The following CSMD1 variants were observed in gnomAD, a reference collection of about 807,000 sequenced individuals.
CSMD1 encodes the protein CUB and Sushi multiple domains 1.
A neutral mutation model predicts 417.5 loss-of-function variants in CSMD1; 213 were observed. The ratio of observed to expected loss-of-function variants is 0.51; its 90% CI spans 0.46 to 0.57. The LOEUF is 0.57. Ranked by LOEUF, CSMD1 falls within the 20% of genes least tolerant of loss-of-function variation. CSMD1 has a pLI of 0.00. For synonymous variants in CSMD1, 2,862 were observed against 1,736.8 expected, an observed-to-expected ratio of 1.65 and a Z score of -16.11; for missense variants, 6,923 against 4,529.7, an observed-to-expected ratio of 1.53 and a Z score of -15.17.
At chr8:3,453,815 A>T (rs566835827) in intron 12 of CSMD1, among the ~76,000 whole-genome samples, 1 of 152,324 alleles carries the variant, frequency 6.6e-6, no homozygotes, top group South Asian at 2.1e-4. Flanking sequence ...AGTTCTGTAG[A>T]TGTCTATTAG....
intron 12 of CSMD1, among the ~76,000 whole-genome samples, chr8:3,412,271 G>C (rs1812859853): frequency 1.3e-5 from 2 of 151,150 alleles, no homozygotes; most frequent in Admixed American, 1.3e-4. Flanking sequence ...CCACATTTTT[G>C]CAATTGCAAA....
chr8:4,779,750 T>A (rs930862932), intron 1 of CSMD1, among the ~76,000 whole-genome samples: 15 of 152,138 alleles, frequency 9.9e-5, no homozygotes, highest in Admixed American at 7.9e-4. Flanking sequence ...AAATAAATCC[T>A]GCTAATTGCG....
intron 5 of CSMD1, among the ~76,000 whole-genome samples, chr8:3,833,330 C>T (rs1001123519): frequency 6.6e-6 from 1 of 152,060 alleles, no homozygotes; most frequent in Non-Finnish European, 1.5e-5. Flanking sequence ...AAACATTATT[C>T]TAAGCCTCTG....
At position 3,546,568 on chromosome 8, in the gene CSMD1, T is replaced by C. The variant is rs912004644; in HGVS notation, c.1344+28377A>G. Among the ~76,000 whole-genome samples the C allele has an allele frequency of 1.8e-4, 27 of 152,070 alleles. 1 individual carries two copies. Among genetic ancestry groups the C allele is most frequent in the Admixed American group, 1.2e-3 (19 of 15,274 alleles). ...AAAAAAAATCCTGATACTGTCACCA[T>C]ACATTGTTCTCCTCACAGTACTGAG... On this transcript the variant is annotated intron_variant, in intron 10 of 69. Transcript: ENST00000635120.
chr8:3,360,811 C>T (rs1454021942), intron 20 of CSMD1, among the ~76,000 whole-genome samples: 1 of 151,944 alleles, frequency 6.6e-6, no homozygotes, highest in East Asian at 1.9e-4. Context: ...ATATAAAATC[C>T]AACTGATCCT....
In CSMD1 at chr8:4,620,163, G is replaced by A. The variant is rs202059232; in HGVS notation, c.302+17179C>T. Among the ~76,000 whole-genome samples, 3 of 151,834 alleles carry A rather than the reference G, an allele frequency of 2.0e-5. 1 individual carries two copies. The highest frequency in any genetic ancestry group is 1.3e-4 in the Admixed American group (2 of 15,230). On this transcript the variant is annotated intron_variant, in intron 2 of 69. Transcript: ENST00000635120. ...TTTAAGAGTAGGACTATAAAGATAT[G>A]TCTCCATTGTGTTTGGTGTTCAGAA...
intron 4 of CSMD1, among the ~76,000 whole-genome samples, chr8:4,015,371 A>G (rs996655910): frequency 1.3e-5 from 2 of 152,018 alleles, no homozygotes; most frequent in African/African-American, 4.8e-5. Context: ...CTGCCTTTTC[A>G]TCTCTAGTAG....
intron 21 of CSMD1, among the ~76,000 whole-genome samples, chr8:3,349,902 AT>A (rs1220399707): frequency 5.5e-5 from 5 of 91,326 alleles, no homozygotes; most frequent in African/African-American, 2.0e-4. Context: ...TATAATATAT[AT>A]TTATATATAT....
At chr8:3,913,163 A>C (rs1808575265) in intron 5 of CSMD1, among the ~76,000 whole-genome samples, 1 of 152,156 alleles carries the variant, frequency 6.6e-6, no homozygotes, top group Admixed American at 6.5e-5. Flanking sequence ...TTACATCGAC[A>C]GGGAGATGTT....
At chr8:3,076,343 T>C (rs576718347) in intron 49 of CSMD1, among the ~76,000 whole-genome samples, 4 of 152,152 alleles carry the variant, frequency 2.6e-5, no homozygotes, top group African/African-American at 9.7e-5. Context: ...ACCAGCCACA[T>C]TGGATTAGGG....
chr8:4,321,545 A>C (rs535337879), intron 3 of CSMD1, among the ~76,000 whole-genome samples: 1 of 152,170 alleles, frequency 6.6e-6, no homozygotes, highest in Non-Finnish European at 1.5e-5. Context: ...AGTATCTGGT[A>C]TATCACAGAT....
At chr8:4,415,760 T>C in intron 3 of CSMD1, among the ~76,000 whole-genome samples, 1 of 152,210 alleles carries the variant, frequency 6.6e-6, no homozygotes, top group Non-Finnish European at 1.5e-5. Context: ...CTTGTGCACG[T>C]ATAAGTATGG....
intron 1 of CSMD1, among the ~76,000 whole-genome samples, chr8:4,910,004 G>C (rs1585309717): frequency 6.6e-6 from 1 of 152,188 alleles, no homozygotes; most frequent in Non-Finnish European, 1.5e-5. Context: ...ATCAATGATT[G>C]AAATGTTTCA....
intron 5 of CSMD1, among the ~76,000 whole-genome samples, chr8:3,807,027 C>G (rs549180498): frequency 6.6e-6 from 1 of 152,072 alleles, no homozygotes; most frequent in African/African-American, 2.4e-5. Flanking sequence ...AATATTGTAA[C>G]CCAGGCAGTC....
chr8:3,611,252 A>T (rs1311934091), intron 8 of CSMD1, among the ~76,000 whole-genome samples: 9 of 18,632 alleles, frequency 4.8e-4, no homozygotes, highest in Admixed American at 2.7e-3. Flanking sequence ...AGTTAAATTA[A>T]AAAAAAAAAG....
intron 1 of CSMD1, among the ~76,000 whole-genome samples, chr8:4,850,124 G>A (rs971331305): frequency 6.6e-6 from 1 of 152,066 alleles, no homozygotes; most frequent in African/African-American, 2.4e-5. Context: ...TTCCCCTGAT[G>A]CCTAATAACG....
chr8:4,571,141 C>T (rs1203260372), intron 2 of CSMD1, among the ~76,000 whole-genome samples: 2 of 152,132 alleles, frequency 1.3e-5, no homozygotes, highest in Non-Finnish European at 2.9e-5. Flanking sequence ...TCTCTATCTC[C>T]TTCAGTTCTG....
intron 11 of CSMD1, among the ~76,000 whole-genome samples, chr8:3,477,628 T>C (rs183781286): frequency 7.2e-5 from 11 of 152,280 alleles, no homozygotes; most frequent in Admixed American, 2.6e-4. Context: ...CTGGTACAAA[T>C]TGGCAGCTGC....
chr8:4,818,884 G>C (rs1585152963), intron 1 of CSMD1, among the ~76,000 whole-genome samples: 1 of 152,128 alleles, frequency 6.6e-6, no homozygotes, highest in Non-Finnish European at 1.5e-5. Context: ...GTTTACTAAA[G>C]AAAGTTCAGT....
Sources: allele counts gnomAD v4.1 joint callset (sites outside exome capture counted in the v4.1 genomes callset), GRCh38; gene constraint gnomAD v4.1.1; transcripts MANE v1.5; gene names NCBI Gene and HGNC (gene_info 2026-07-23, HGNC 2026-07-21).